RREB1: variants seen among roughly 807,000 people sequenced by gnomAD.
RREB1 encodes the protein ras responsive element binding protein 1.
In RREB1, 27 loss-of-function variants were observed where a neutral mutation model predicts 117.8. The ratio of observed to expected loss-of-function variants is 0.23; its 90% CI spans 0.17 to 0.32. RREB1 has a LOEUF of 0.32. Ranked by LOEUF, RREB1 falls within the 10% of genes least tolerant of loss-of-function variation. RREB1 has a pLI of 1.00. For missense variants in RREB1, 2,577 were observed against 2,378.2 expected (o/e 1.08, Z -1.74); for synonymous variants, 1,298 against 1,026.7 (o/e 1.26, Z -5.05).
intron 3 of RREB1, 192 bp from the exon 4 acceptor site, chr6:7,181,678 C>T: frequency 1.6e-6 from 1 of 616,484 alleles, no homozygotes; most frequent in Non-Finnish European, 2.9e-6. Flanking sequence ...TTACTTCGTC[C>T]TTGGTATGCC....
intron 1 of RREB1, among the ~76,000 whole-genome samples, chr6:7,144,987 A>T (rs1762793683): frequency 6.6e-6 from 1 of 152,194 alleles, no homozygotes; most frequent in Admixed American, 6.5e-5. Context: ...AACATAGTTA[A>T]GGGGGGAAAG....
At chr6:7,117,388 G>GTTTTTTTTTTTTTTTTTTTTTTTTTT (rs70978941) in intron 1 of RREB1, among the ~76,000 whole-genome samples, 2 of 63,292 alleles carry the variant, frequency 3.2e-5, no homozygotes, top group Non-Finnish European at 5.4e-5. Context: ...TAGGTTTCCT[G>GTTTTTTTTTTTTTTTTTTTTTTTTTT]TTTTTTTTTT....
intron 1 of RREB1, among the ~76,000 whole-genome samples, chr6:7,118,055 A>G (rs763561250): frequency 6.6e-6 from 1 of 152,252 alleles, no homozygotes; most frequent in African/African-American, 2.4e-5. Flanking sequence ...ACATTCAGAT[A>G]TAATATTCTA....
intron 1 of RREB1, among the ~76,000 whole-genome samples, chr6:7,158,948 G>T (rs145031874): frequency 7.1e-4 from 108 of 152,104 alleles, no homozygotes; most frequent in African/African-American, 2.6e-3. Flanking sequence ...ATAAAAGAAG[G>T]ACTGAGCCAG....
At position 7,231,901 on chromosome 6, in the gene RREB1, C is replaced by G; in HGVS notation, c.3802C>G (p.His1268Asp). The change falls in exon 10 of 13, where the codon CAC (histidine) becomes GAC (aspartate). Residue 1268 changes from histidine to aspartate, a missense_variant. By Grantham distance (81) the His-to-Asp change is moderately conservative (BLOSUM62 -1). Coordinates refer to ENST00000379938, the MANE Select transcript of RREB1 (RefSeq NM_001003699.4). ...CTCCCTACAGAGGCACATGCTCACA[C>G]ACACTGGTAAGAGGGCCACCGGGCT... is the stretch of plus-strand genomic sequence containing the variant. ...ASSLQRHMLT[H>D]TGQKPFPCQK... 6.3e-7 allele frequency: 1 copy of G among 1,596,916 alleles called. No homozygotes were observed. The highest frequency in any genetic ancestry group is 2.2e-5 in the East Asian group (1 of 44,618).
intron 1 of RREB1, among the ~76,000 whole-genome samples, chr6:7,174,689 A>G (rs988011685): frequency 2.6e-5 from 4 of 152,024 alleles, no homozygotes; most frequent in African/African-American, 7.2e-5. Context: ...GCTCACTGCA[A>G]CCTCCGCCTT....
chr6:7,159,999 T>C (rs1763569441), intron 1 of RREB1, among the ~76,000 whole-genome samples: 1 of 152,136 alleles, frequency 6.6e-6, no homozygotes. Flanking sequence ...GTACCTGTTA[T>C]AGATTGAGAG....
rs745482753 is a variant in RREB1, at chr6:7,231,840, C to T, written c.3741C>T (p.Thr1247=). ...NSYTNCLQKI[T]CPHCPRVFPW... is the part of the protein sequence containing the mutation. ...ACACCAACTGCCTGCAGAAGATCAC[C>T]TGTCCCCACTGTCCCCGGGTTTTCC... Residue 1247 remains threonine (T), a synonymous_variant, in exon 10 of 13, where the codon ACC becomes ACT. Transcript: ENST00000379938. The T allele has an allele frequency of 3.7e-6, 6 of 1,613,430 alleles. No individual in the cohort carries two copies. Among genetic ancestry groups the T allele is most frequent in the Non-Finnish European group, 5.1e-6 (6 of 1,179,972 alleles).
intron 4 of RREB1, among the ~76,000 whole-genome samples, chr6:7,182,853 T>C (rs1371074482): frequency 2.0e-5 from 3 of 152,214 alleles, no homozygotes; most frequent in Non-Finnish European, 2.9e-5. Context: ...AATGAGACTA[T>C]ACTAAATCCT....
In RREB1 at chr6:7,200,282, A is replaced by AT. The variant is rs1163811223; in HGVS notation, c.426-10509dup. Among the ~76,000 whole-genome samples, 153 of 97,698 alleles carry AT rather than the reference A, an allele frequency of 1.6e-3. 2 individuals carry two copies. The highest frequency in any genetic ancestry group is 6.8e-3 in the Middle Eastern group (1 of 148). 64.1% of individuals were successfully genotyped at this position (97,698 alleles called of 152,430 possible). A position where few individuals can be genotyped will look rare whatever the true frequency, so the allele number is the denominator to read the frequency against. On this transcript the variant is annotated intron_variant, in intron 6 of 12. Transcript: ENST00000379938. ...TGTGTGTGTGTGTGTGTGTGTGTGT[A>AT]TTTTTTTTTTTTTCTTTTTTGAGAT...
At chr6:7,170,855 C>CT (rs1764171376) in intron 1 of RREB1, among the ~76,000 whole-genome samples, 1 of 152,182 alleles carries the variant, frequency 6.6e-6, no homozygotes, top group Non-Finnish European at 1.5e-5. Flanking sequence ...AGATCCTGAG[C>CT]TTCTTCATGA....
At chr6:7,110,126 A>C (rs2113270490) in intron 1 of RREB1, among the ~76,000 whole-genome samples, 1 of 152,242 alleles carries the variant, frequency 6.6e-6, no homozygotes, top group East Asian at 1.9e-4. Flanking sequence ...CCCTTTATAT[A>C]TGTAGTGGAC....
At chr6:7,197,090 G>A (rs911966359) in intron 6 of RREB1, among the ~76,000 whole-genome samples, 1 of 152,172 alleles carries the variant, frequency 6.6e-6, no homozygotes, top group Admixed American at 6.5e-5. Flanking sequence ...ATTGAGCTTT[G>A]CAGTTTGCAA....
chr6:7,138,377 GAA>G (rs1762430349), intron 1 of RREB1, among the ~76,000 whole-genome samples: 1 of 152,190 alleles, frequency 6.6e-6, no homozygotes, highest in African/African-American at 2.4e-5. Flanking sequence ...TGAACATTTT[GAA>G]GTTTCATTCT....
At chr6:7,122,707 T>A (rs1761730102) in intron 1 of RREB1, among the ~76,000 whole-genome samples, 1 of 152,224 alleles carries the variant, frequency 6.6e-6, no homozygotes, top group African/African-American at 2.4e-5. Context: ...TTAAGCGTAT[T>A]TTTGAAAATT....
intron 1 of RREB1, among the ~76,000 whole-genome samples, chr6:7,120,915 G>T (rs1034473638): frequency 2.0e-5 from 3 of 150,034 alleles, no homozygotes; most frequent in Admixed American, 6.7e-5. Context: ...TGCCTCCTGC[G>T]TTCAAGTGAT....
chr6:7,227,376 A>G (rs966182454), intron 9 of RREB1, among the ~76,000 whole-genome samples: 1 of 151,794 alleles, frequency 6.6e-6, no homozygotes, highest in Admixed American at 6.6e-5. Context: ...CCCTGTCTAC[A>G]CTAAAAATAC....
chr6:7,132,814 A>G (rs942532369), intron 1 of RREB1, among the ~76,000 whole-genome samples: 2 of 108,876 alleles, frequency 1.8e-5, no homozygotes, highest in Non-Finnish European at 4.8e-5. Context: ...TACAATGTCA[A>G]CATTCAGTAA....
At chr6:7,180,577 T>C (rs1764736194) in intron 2 of RREB1, among the ~76,000 whole-genome samples, 1 of 152,276 alleles carries the variant, frequency 6.6e-6, no homozygotes, top group Non-Finnish European at 1.5e-5. Context: ...ACTGGACCTG[T>C]AGCCATAATA....
Sources: allele counts gnomAD v4.1 joint callset (sites outside exome capture counted in the v4.1 genomes callset), GRCh38; gene constraint gnomAD v4.1.1; transcripts MANE v1.5; gene names NCBI Gene and HGNC (gene_info 2026-07-23, HGNC 2026-07-21).